Variants in AGAP1 observed in about 807,000 individuals in gnomAD.
AGAP1 encodes the protein arf-GAP with GTPase, ANK repeat and PH domain-containing protein 1.
AGAP1 carries 29 observed loss-of-function variants against 105.3 expected under a neutral mutation model. The observed-to-expected ratio is 0.28, with a 90% CI of 0.21 to 0.38. The LOEUF (loss-of-function observed/expected upper bound fraction) is 0.38. Among genes scored for constraint, AGAP1 ranks in the 10% least tolerant of loss-of-function variants. AGAP1 has a pLI of 1.00. For synonymous variants in AGAP1, 509 were observed against 485.9 expected (o/e 1.05, Z -0.63); for missense variants, 998 against 1,165.1 (o/e 0.86, Z 2.09).
chr2:235,551,952 G>A lies in AGAP1; in HGVS notation c.163+57103G>A, dbSNP rs560053867. On this transcript the variant is annotated intron_variant, in intron 1 of 17. Transcript: ENST00000304032. The surrounding 1 kb of genome is among the most constrained non-coding windows in gnomAD (Gnocchi z 4.8). ...CAGCTTTCTCCTGGTTAATTTTACC[G>A]TCTTTTAAAAAGGAAGTTCACAAGA... is the stretch of plus-strand genomic sequence containing the variant. Among the ~76,000 whole-genome samples the A allele has an allele frequency of 3.2e-4, 49 of 152,300 alleles. No individual in the cohort carries two copies. The highest frequency in any genetic ancestry group is 1.1e-3 in the African/African-American group (45 of 41,576).
rs1271225739 is a variant in AGAP1, at chr2:235,961,625, CA to C, written c.1484-6836del. Among the ~76,000 whole-genome samples the C allele has an allele frequency of 1.9e-4, 29 of 152,234 alleles. No homozygotes were observed. The highest frequency in any genetic ancestry group is 7.0e-4 in the African/African-American group (29 of 41,554). ...GAGTTGTGTTAAAAATGTGAGATGA[CA>C]GGGCCGGGCGTGGTGGCTCATGCCT... On this transcript the variant is annotated intron_variant, in intron 12 of 17. Transcript: ENST00000304032. This position sits in a 1 kb window ranked among gnomAD's most constrained non-coding sequence, Gnocchi z 5.9.
chr2:235,802,564 C>G (rs1316885181), intron 8 of AGAP1, among the ~76,000 whole-genome samples: 1 of 152,220 alleles, frequency 6.6e-6, no homozygotes, highest in Non-Finnish European at 1.5e-5. Context: ...AAGGAAAAGA[C>G]AGTGAAAGTT....
Position 235,908,805 on chromosome 2 carries a change from A to G in AGAP1, c.1223A>G (p.Lys408Arg), listed in dbSNP as rs2051432802. ...AGAACCACTGTGAAAGTCCCAGGGA[A>G]GAGGCCACCCCGAGCCACGTCAGCC... The part of the protein sequence containing the change: ...LLRTTVKVPG[K>R]RPPRATSACA... The change falls in exon 11 of 18, where the codon AAG becomes AGG. Residue 408 changes from lysine (K) to arginine (R), a missense_variant. Lys to Arg is a conservative substitution (Grantham distance 26). Coordinates refer to ENST00000304032, the MANE Select transcript of AGAP1 (RefSeq NM_001037131.3). The surrounding 1 kb of genome is among the most constrained non-coding windows in gnomAD (Gnocchi z 4.4). 2 of 1,614,068 alleles carry G rather than the reference A, an allele frequency of 1.2e-6. No homozygotes were observed. The highest frequency in any genetic ancestry group is 1.7e-6 in the Non-Finnish European group (2 of 1,179,984).
In AGAP1 at chr2:235,893,485, G is replaced by A. The variant is rs78293578; in HGVS notation, c.1155+10036G>A. On this transcript the variant is annotated intron_variant, in intron 10 of 17. Coordinates refer to ENST00000304032, the MANE Select transcript of AGAP1 (RefSeq NM_001037131.3). The surrounding 1 kb of genome is among the most constrained non-coding windows in gnomAD (Gnocchi z 4.7). ...CGGGTGCACCATGTCCATCATAAGG[G>A]TGAGCCATGTTTGTGGCGTGGGTGT... is the stretch of plus-strand genomic sequence containing the variant. Among the ~76,000 whole-genome samples the A allele has an allele frequency of 6.7e-6, 1 of 149,562 alleles. No individual in the cohort carries two copies.
chr2:235,588,310 C>G (rs1945197586), intron 1 of AGAP1, among the ~76,000 whole-genome samples: 1 of 151,946 alleles, frequency 6.6e-6, no homozygotes, highest in Admixed American at 6.6e-5. Context: ...GAAGTTAGTT[C>G]TCAGGATCCA....
chr2:235,496,633 A>G (rs1941330970), intron 1 of AGAP1, among the ~76,000 whole-genome samples: 1 of 152,180 alleles, frequency 6.6e-6, no homozygotes, highest in South Asian at 2.1e-4. Context: ...CCTCTGGCTG[A>G]GTGGGGTTCA....
chr2:235,691,739 C>G lies in AGAP1; in HGVS notation c.164-17440C>G, dbSNP rs1390069216. ...GGTCTGGGGACCACGCCTCCCTTCC[C>G]TTCCTTCCCTGTCCTGAGTGTGACC... On this transcript the variant is annotated intron_variant, in intron 1 of 17. Coordinates refer to ENST00000304032, the MANE Select transcript of AGAP1 (RefSeq NM_001037131.3). This position sits in a 1 kb window ranked among gnomAD's most constrained non-coding sequence, Gnocchi z 4.4. Among the ~76,000 whole-genome samples, 1 of 152,222 alleles carries G rather than the reference C, an allele frequency of 6.6e-6. No individual in the cohort carries two copies. The highest frequency in any genetic ancestry group is 2.4e-5 in the African/African-American group (1 of 41,450).
chr2:235,960,322 A>G lies in AGAP1; in HGVS notation c.1484-8140A>G, dbSNP rs892132508. On this transcript the variant is annotated intron_variant, in intron 12 of 17. Coordinates refer to ENST00000304032, the MANE Select transcript of AGAP1 (RefSeq NM_001037131.3). This position sits in a 1 kb window ranked among gnomAD's most constrained non-coding sequence, Gnocchi z 4.9. The stretch of plus-strand genomic sequence containing the variant: ...TTGAGATTGCAGTTGTTTTTATCCC[A>G]TGACAACCCTGTGTCCTCTGAAAAG... 6.6e-6 allele frequency among the ~76,000 whole-genome samples: 1 copy of G among 152,118 alleles called. No individual in the cohort carries two copies. Among genetic ancestry groups the G allele is most frequent in the Non-Finnish European group, 1.5e-5 (1 of 68,010 alleles).
In AGAP1 at chr2:235,582,138, C is replaced by CAG. The variant is rs1446467891; in HGVS notation, c.163+87293_163+87294dup. Among the ~76,000 whole-genome samples the CAG allele has an allele frequency of 4.6e-5, 7 of 152,152 alleles. No homozygotes were observed. On this transcript the variant is annotated intron_variant, in intron 1 of 17. Transcript: ENST00000304032. The surrounding 1 kb of genome is among the most constrained non-coding windows in gnomAD (Gnocchi z 4.7). ...GGGGCTGTCTGCTCTATACGAGGAG[C>CAG]AGAGACCCCTGGATCCTAGTGGTGG... is the stretch of plus-strand genomic sequence containing the variant.
chr2:235,795,737 A>G (rs1305684707), intron 6 of AGAP1, among the ~76,000 whole-genome samples: 1 of 152,210 alleles, frequency 6.6e-6, no homozygotes. Context: ...TTTTTAATTA[A>G]TGTGGTAGAA....
rs932344031 is a variant in AGAP1 at position 235,976,908 on chromosome 2, C to T, written c.1645+8285C>T. Among the ~76,000 whole-genome samples, 6 of 152,194 alleles carry T rather than the reference C, an allele frequency of 3.9e-5. No homozygotes were observed. The highest frequency in any genetic ancestry group is 1.4e-4 in the African/African-American group (6 of 41,444). ...TCTTGTAAAGAGGTGGCTTGGAGCT[C>T]CTGGGGGTACCTAGGCAACTCCTGA... On this transcript the variant is annotated intron_variant, in intron 13 of 17. Transcript: ENST00000304032. The surrounding 1 kb of genome is among the most constrained non-coding windows in gnomAD (Gnocchi z 4.5).
rs11686158 is a variant in AGAP1, at chr2:236,128,602, C to T, written c.*4480C>T. 7,998 of 152,290 alleles carry T rather than the reference C, an allele frequency of 0.053. 280 individuals are homozygous for T. The highest frequency in any genetic ancestry group is 0.11 in the East Asian group (590 of 5,142). The allele number at this position is 152,290 out of a possible 1,614,324, so 9.4% of individuals were successfully genotyped here. A position where few individuals can be genotyped will look rare whatever the true frequency, so the allele number is the denominator to read the frequency against. ...ACCCCACAAGAGTGGCCTGCTCAAC[C>T]TGCAGCCTCCAATGTGCCGTAGGCG... is the stretch of plus-strand genomic sequence containing the variant. On this transcript the variant is annotated 3_prime_UTR_variant, in exon 18 of 18. Transcript: ENST00000304032. This position sits in a 1 kb window ranked among gnomAD's most constrained non-coding sequence, Gnocchi z 5.9.
At chr2:235,532,263 C>A (rs1559228316) in intron 1 of AGAP1, among the ~76,000 whole-genome samples, 1 of 152,206 alleles carries the variant, frequency 6.6e-6, no homozygotes, top group Non-Finnish European at 1.5e-5. Flanking sequence ...CTTGCCCAGG[C>A]TGCAGTGCAA....
At chr2:235,735,361 C>T (rs998273350) in intron 3 of AGAP1, among the ~76,000 whole-genome samples, 11 of 152,098 alleles carry the variant, frequency 7.2e-5, no homozygotes, top group African/African-American at 2.7e-4. Flanking sequence ...GCAGAAATGA[C>T]AGCATAGATG....
chr2:235,526,508 A>G (rs144819405), intron 1 of AGAP1, among the ~76,000 whole-genome samples: 1 of 152,372 alleles, frequency 6.6e-6, no homozygotes, highest in Non-Finnish European at 1.5e-5. Context: ...CAGGAAAATC[A>G]TTTGAAATTA....
In AGAP1 at chr2:235,739,380, C is replaced by A. The variant is rs1952444159; in HGVS notation, c.311-1583C>A. 6.6e-6 allele frequency among the ~76,000 whole-genome samples: 1 copy of A among 152,178 alleles called. No homozygotes were observed. The highest frequency in any genetic ancestry group is 1.5e-5 in the Non-Finnish European group (1 of 68,034). On this transcript the variant is annotated intron_variant, in intron 3 of 17. Coordinates refer to ENST00000304032, the MANE Select transcript of AGAP1 (RefSeq NM_001037131.3). This position sits in a 1 kb window ranked among gnomAD's most constrained non-coding sequence, Gnocchi z 5.3. ...CTACGAGGACTCTCGATTCAGGGAC[C>A]CTGAGTCTTTGGGACCCTCGTGCAG...
intron 1 of AGAP1, among the ~76,000 whole-genome samples, chr2:235,604,572 C>CTTTTTTTTTTTTTTTTTTTTTTTTTT (rs1166523228): frequency 2.9e-5 from 2 of 69,680 alleles, no homozygotes; most frequent in African/African-American, 6.7e-5. Context: ...TTTTTATTAT[C>CTTTTTTTTTTTTTTTTTTTTTTTTTT]TTTTTTTTTT....
chr2:235,959,010 G>T lies in AGAP1; in HGVS notation c.1484-9452G>T, dbSNP rs983750070. On this transcript the variant is annotated intron_variant, in intron 12 of 17. Transcript: ENST00000304032. This position sits in a 1 kb window ranked among gnomAD's most constrained non-coding sequence, Gnocchi z 7.3. ...AACTAATGGCTGACATTGAATGTGCGGGATGGTGCCGGCCCATCCCGGCTC... is the reference window on the plus strand; with the variant it reads ...AACTAATGGCTGACATTGAATGTGCTGGATGGTGCCGGCCCATCCCGGCTC... Among the ~76,000 whole-genome samples the T allele has an allele frequency of 6.6e-6, 1 of 152,158 alleles. No homozygotes were observed. Among genetic ancestry groups the T allele is most frequent in the Admixed American group, 6.5e-5 (1 of 15,284 alleles).
At chr2:235,755,886 G>A (rs566450891) in intron 6 of AGAP1, among the ~76,000 whole-genome samples, 16 of 152,214 alleles carry the variant, frequency 1.1e-4, no homozygotes, top group Non-Finnish European at 2.1e-4. Flanking sequence ...GAAGGGTATA[G>A]TTTTGGTGAT....
Sources: allele counts gnomAD v4.1 joint callset (sites outside exome capture counted in the v4.1 genomes callset), GRCh38; gene constraint gnomAD v4.1.1; non-coding constraint Gnocchi (gnomAD v3.1); transcripts MANE v1.5; gene names NCBI Gene and HGNC (gene_info 2026-07-23, HGNC 2026-07-21).